The following CLUAP1 variants were observed in gnomAD, a reference collection of about 807,000 sequenced individuals.
The protein encoded by CLUAP1 is intraflagellar transport 38.
Under a neutral mutation model 55.0 loss-of-function variants are expected in CLUAP1, and 50 were observed. The ratio of observed to expected loss-of-function variants is 0.91; its 90% CI spans 0.72 to 1.15. The LOEUF (loss-of-function observed/expected upper bound fraction) is 1.15. Ranked by LOEUF, CLUAP1 falls within the 50% of genes most tolerant of loss-of-function variation. CLUAP1 has a pLI of 0.00. For synonymous variants in CLUAP1, 195 were observed against 175.4 expected, an observed-to-expected ratio of 1.11 and a Z score of -0.88; for missense variants, 530 against 507.6, an observed-to-expected ratio of 1.04 and a Z score of -0.42.
chr16:3,504,909 C>A, intron 2 of CLUAP1, 78 bp downstream of exon 2: 2 of 880,512 alleles, frequency 2.3e-6, no homozygotes, highest in Non-Finnish European at 3.8e-6. Context: ...CAGGACACAG[C>A]TGTGATGCTG....
At chr16:3,512,249 A>G in intron 4 of CLUAP1, 134 bp from the exon 5 acceptor site, 1 of 624,034 alleles carries the variant, frequency 1.6e-6, no homozygotes, top group Non-Finnish European at 2.9e-6. Context: ...TAATCCCAAC[A>G]CTTTGGGAGG....
chr16:3,512,306 G>T (rs2037643912), intron 4 of CLUAP1, 77 bp from the exon 5 acceptor site: 8 of 1,105,986 alleles, frequency 7.2e-6, no homozygotes, highest in Admixed American at 1.7e-5. Flanking sequence ...GAGCAGCCTG[G>T]GTAACATAGC....
chr16:3,496,546 C>T (rs2037313002), upstream of CLUAP1: 1 of 552,086 alleles, frequency 1.8e-6, no homozygotes, highest in Non-Finnish European at 3.6e-6. Context: ...GCGGCATCCT[C>T]AGGGTGGGGG....
intron 8 of CLUAP1, among the ~76,000 whole-genome samples, chr16:3,525,194 G>A (rs544864000): frequency 6.6e-6 from 1 of 152,302 alleles, no homozygotes; most frequent in African/African-American, 2.4e-5. Flanking sequence ...AAAGAGCTTG[G>A]AGTTTAGAAC....
Position 3,531,115 on chromosome 16 carries a change from G to A in CLUAP1, c.1036+440G>A, listed in dbSNP as rs9806935. Among the ~76,000 whole-genome samples, 1,452 of 152,310 alleles carry A rather than the reference G, an allele frequency of 9.5e-3. 26 individuals carry two copies. The highest frequency in any genetic ancestry group is 0.033 in the African/African-American group (1,357 of 41,562). ...GCACACCTTATTCCCAGCTACTCAGGAGGCTGAGGCAGAAGGATCATTTGA... is the reference window on the plus strand; with the variant it reads ...GCACACCTTATTCCCAGCTACTCAGAAGGCTGAGGCAGAAGGATCATTTGA... On this transcript the variant is annotated intron_variant, in intron 10 of 11. Coordinates refer to ENST00000576634, the MANE Select transcript of CLUAP1 (RefSeq NM_015041.3).
intron 7 of CLUAP1, among the ~76,000 whole-genome samples, 171 bp from the exon 8 acceptor site, chr16:3,522,987 G>C (rs534704016): frequency 6.6e-6 from 1 of 152,006 alleles, no homozygotes; most frequent in Non-Finnish European, 1.5e-5. Context: ...TGTTCATTTT[G>C]GGGGGAGAAA....
chr16:3,502,429 G>C (rs2037423443), intron 1 of CLUAP1, among the ~76,000 whole-genome samples: 1 of 148,416 alleles, frequency 6.7e-6, no homozygotes, highest in Non-Finnish European at 1.5e-5. Context: ...GGCCGACAGA[G>C]TGAGACTGTC....
At chr16:3,506,070 A>C (rs559767351) in intron 2 of CLUAP1, among the ~76,000 whole-genome samples, 5 of 152,250 alleles carry the variant, frequency 3.3e-5, no homozygotes, top group Non-Finnish European at 4.4e-5. Flanking sequence ...GATTAGCTTC[A>C]TGACATGGTG....
chr16:3,506,398 G>A lies in CLUAP1; in HGVS notation c.202G>A (p.Ala68Thr). 1 of 1,613,764 alleles carries A rather than the reference G, an allele frequency of 6.2e-7. No individual in the cohort carries two copies. Among genetic ancestry groups the A allele is most frequent in the South Asian group, 1.1e-5 (1 of 91,078 alleles). The part of the protein sequence containing the change: ...TEQDRVFFIK[A>T]IAQFMATKAH... ...ACAGGACCGAGTTTTCTTCATTAAG[G>A]CAATTGCCCAGTTCATGGTTAGTGG... The change falls in exon 3 of 12, where the codon GCA (alanine) becomes ACA (threonine). Residue 68 changes from alanine to threonine, a missense_variant. By Grantham distance (58) the Ala-to-Thr change is moderately conservative. Coordinates refer to ENST00000576634, the MANE Select transcript of CLUAP1 (RefSeq NM_015041.3).
chr16:3,533,054 C>G, intron 11 of CLUAP1: 2 of 1,513,536 alleles, frequency 1.3e-6, no homozygotes, highest in African/African-American at 1.4e-5. Context: ...GCTTGCTCTG[C>G]TTTTTTTGCC....
chr16:3,509,961 G>T (rs1324752534), intron 4 of CLUAP1: 1 of 151,738 alleles, frequency 6.6e-6, no homozygotes, highest in East Asian at 1.9e-4. Context: ...TAAGTAGCTG[G>T]GATTACAGGT....
Position 3,519,069 on chromosome 16 carries a change from G to T in CLUAP1, c.580-834G>T, listed in dbSNP as rs187675758. Among the ~76,000 whole-genome samples, 19 of 152,324 alleles carry T rather than the reference G, an allele frequency of 1.2e-4. No homozygotes were observed. In the East Asian group the frequency reaches 3.7e-3, roughly 29 times the overall value. ...ATTCCTCATAAAGAGATTGGAGCCT[G>T]AACCCCAGGCATGTGATCCAGCCAG... On this transcript the variant is annotated intron_variant, in intron 6 of 11. Coordinates refer to ENST00000576634, the MANE Select transcript of CLUAP1 (RefSeq NM_015041.3).
At position 3,526,420 on chromosome 16, in the gene CLUAP1, A is replaced by G; in HGVS notation, c.864A>G (p.Lys288=). The change falls in exon 9 of 12, where the codon AAA becomes AAG. Residue 288 remains lysine (K), a synonymous_variant. Coordinates refer to ENST00000576634, the MANE Select transcript of CLUAP1 (RefSeq NM_015041.3). ...TATTTCCTCTTCCACAGGAAGCTAA[A>G]AACACTCTCTGCCTGATACAGAACA... ...RMEQERFEEA[K]NTLCLIQNKL... is the part of the protein sequence containing the mutation. 6.2e-7 allele frequency: 1 copy of G among 1,604,278 alleles called. No homozygotes were observed. Among genetic ancestry groups the G allele is most frequent in the Non-Finnish European group, 8.5e-7 (1 of 1,177,268 alleles).
chr16:3,506,277 A>G, intron 2 of CLUAP1, 54 bp from the exon 3 acceptor site: 3 of 1,409,810 alleles, frequency 2.1e-6, no homozygotes, highest in Non-Finnish European at 3.0e-6. Context: ...CATTCTCTTT[A>G]GTAGACTTTC....
chr16:3,510,241 G>A (rs7192712), intron 4 of CLUAP1, among the ~76,000 whole-genome samples: 216 of 151,908 alleles, frequency 1.4e-3, no homozygotes, highest in African/African-American at 5.0e-3. Flanking sequence ...TGATCTGCCC[G>A]CCTCAGCCTC....
chr16:3,508,116 AT>A (rs540412542), intron 3 of CLUAP1, among the ~76,000 whole-genome samples, 172 bp from the exon 4 acceptor site: 58 of 152,188 alleles, frequency 3.8e-4, no homozygotes, highest in African/African-American at 1.1e-3. Context: ...CTCCATCAAG[AT>A]TGTCCCAGTT....
At chr16:3,523,809 ACAAAAAATTAGCCG>A (rs1460558492) in intron 8 of CLUAP1, among the ~76,000 whole-genome samples, 1 of 152,100 alleles carries the variant, frequency 6.6e-6, no homozygotes, top group Non-Finnish European at 1.5e-5. Flanking sequence ...TCATAAAAAT[ACAAAAAATTAGCCG>A]GGTGTGGTCG....
chr16:3,500,154 A>G (rs927422083), upstream of CLUAP1, among the ~76,000 whole-genome samples: 3 of 152,088 alleles, frequency 2.0e-5, no homozygotes, highest in Admixed American at 6.5e-5. Context: ...CCCCATGCAG[A>G]GGCTAGGGCT....
At chr16:3,529,946 T>G (rs1567440679) in intron 9 of CLUAP1, among the ~76,000 whole-genome samples, 1 of 128,184 alleles carries the variant, frequency 7.8e-6, no homozygotes, top group East Asian at 2.0e-4. Context: ...ATATGACAAT[T>G]ATATAACATA....
Sources: gnomAD v4.1 joint callset for allele counts (sites outside exome capture counted in the v4.1 genomes callset) on GRCh38, gnomAD v4.1.1 for gene constraint, MANE v1.5 for transcripts, NCBI Gene and HGNC (gene_info 2026-07-23, HGNC 2026-07-21) for gene names.